The following ATXN7L3 variants were observed in gnomAD, a reference collection of about 807,000 sequenced individuals.
ATXN7L3 encodes the protein ataxin 7 like 3, also known as ataxin-7-like protein 3.
In ATXN7L3, 6 loss-of-function variants were observed where a neutral mutation model predicts 50.0. That is an observed-to-expected ratio of 0.12 (90% CI 0.07 to 0.24). The LOEUF (loss-of-function observed/expected upper bound fraction) is 0.24. Among genes scored for constraint, ATXN7L3 ranks in the 10% least tolerant of loss-of-function variants. ATXN7L3 has a pLI of 1.00. For synonymous variants in ATXN7L3, 198 were observed against 165.8 expected (o/e 1.19, Z -1.49); for missense variants, 322 against 451.3 (o/e 0.71, Z 2.60).
chr17:44,198,203 C>T (rs2055993247), intron 1 of ATXN7L3, 73 bp from the exon 2 acceptor site: 1 of 823,492 alleles, frequency 1.2e-6, no homozygotes, highest in East Asian at 2.5e-5. Flanking sequence ...CCCTCCCCAC[C>T]TCGCTGCCCA....
At chr17:44,196,443 G>A (rs1466822242) in intron 5 of ATXN7L3, 25 bp from the exon 6 acceptor site, 3 of 1,613,812 alleles carry the variant, frequency 1.9e-6, no homozygotes, top group Non-Finnish European at 2.5e-6. Flanking sequence ...AGCATAAAGA[G>A]CAGGGTTTCC....
intron 8 of ATXN7L3, 35 bp from the exon 9 acceptor site, chr17:44,195,522 G>A (rs750608738): frequency 5.0e-6 from 8 of 1,589,176 alleles, no homozygotes; most frequent in Admixed American, 3.3e-5. Context: ...TTAGAGATGG[G>A]GCAGAGAAAA....
chr17:44,198,357 GTCT>G, intron 1 of ATXN7L3: 1 of 424,076 alleles, frequency 2.4e-6, no homozygotes. Flanking sequence ...GCCAATCAGA[GTCT>G]GGGTCTATAG....
chr17:44,197,098 T>C (rs1473041750), intron 4 of ATXN7L3, 72 bp from the exon 5 acceptor site: 1 of 1,552,680 alleles, frequency 6.4e-7, no homozygotes, highest in East Asian at 2.2e-5. Context: ...CACCCCGCTC[T>C]GCCCCCAACT....
Position 44,194,585 on chromosome 17 carries a change from C to G in ATXN7L3, c.827G>C (p.Gly276Ala). 2 of 1,613,828 alleles carry G rather than the reference C, an allele frequency of 1.2e-6. No individual in the cohort carries two copies. Among genetic ancestry groups the G allele is most frequent in the Non-Finnish European group, 1.7e-6 (2 of 1,179,992 alleles). Residue 276 changes from glycine to alanine, a missense_variant, in exon 12 of 13, where the codon GGC becomes GCC. Physicochemically the swap from Gly to Ala is moderately conservative, Grantham distance 60. Transcript: ENST00000587097. ...QALISRLQWD[G>A]SSDLSPSDSG... ...ATCAGAGGGTGAGAGGTCAGAGGAG[C>G]CGTCCCACTGAAGCCGGCTGATCAG...
chr17:44,197,198 G>T, intron 4 of ATXN7L3, 30 bp downstream of exon 4: 3 of 1,577,164 alleles, frequency 1.9e-6, no homozygotes, highest in Non-Finnish European at 2.6e-6. Flanking sequence ...GGCACAGGCT[G>T]CAGAGAACGG....
intron 2 of ATXN7L3, 98 bp downstream of exon 2, chr17:44,197,922 G>C: frequency 6.5e-7 from 1 of 1,534,360 alleles, no homozygotes; most frequent in Non-Finnish European, 9.0e-7. Flanking sequence ...TAAGGAACAA[G>C]GCTGACTACC....
Position 44,193,567 on chromosome 17 carries a change from G to C in ATXN7L3, c.*696C>G, listed in dbSNP as rs977944635. ...CCCTTTCCCATTCCTTGAAGCTGTA[G>C]AGGCTGGAGGCCCTTTCCTGGCACC... On this transcript the variant is annotated 3_prime_UTR_variant, in exon 13 of 13. Transcript: ENST00000587097. 3.3e-5 allele frequency: 5 copies of C among 152,396 alleles called. No individual in the cohort carries two copies. The highest frequency in any genetic ancestry group is 1.2e-4 in the African/African-American group (5 of 41,424). The allele number at this position is 152,396 out of a possible 1,614,324, so 9.4% of individuals were successfully genotyped here. A position where few individuals can be genotyped will look rare whatever the true frequency, so the allele number is the denominator to read the frequency against.
At position 44,197,035 on chromosome 17, in the gene ATXN7L3, G is replaced by C. The variant is rs147110832; in HGVS notation, c.357-9C>G. The stretch of plus-strand genomic sequence containing the variant: ...TGTTGCTATTGGCAATCCTGCCAAG[G>C]GGAGGGAAGAGAAAGGGGCCAAGGG... On this transcript the variant is annotated splice_polypyrimidine_tract_variant and intron_variant, in intron 4 of 12. Coordinates refer to ENST00000587097, the MANE Select transcript of ATXN7L3 (RefSeq NM_001382309.1). 218 of 1,602,756 alleles carry C rather than the reference G, an allele frequency of 1.4e-4. 1 individual carries two copies. In the East Asian group the frequency reaches 3.5e-3, roughly 26 times the overall value.
rs1334207376 is a variant in ATXN7L3 at position 44,197,903 on chromosome 17, T to G, written c.51+117A>C. The G allele has an allele frequency of 2.6e-6, 4 of 1,514,182 alleles. No individual in the cohort carries two copies. The Admixed American group carries it at 5.3e-5, about 20-fold the overall frequency. The allele number at this position is 1,514,182 out of a possible 1,614,324, so 93.8% of individuals were successfully genotyped here. ...TGGATCCTTGGCTTTTTCAGCTGGC[T>G]ATTCCCTTTAAGGAACAAGGCTGAC... On this transcript the variant is annotated intron_variant, in intron 2 of 12. Coordinates refer to ENST00000587097, the MANE Select transcript of ATXN7L3 (RefSeq NM_001382309.1).
intron 5 of ATXN7L3, 144 bp downstream of exon 5, chr17:44,196,777 CAAAAAAAA>C (rs34885873): frequency 8.6e-4 from 205 of 237,840 alleles, no homozygotes; most frequent in Middle Eastern, 4.2e-3. Flanking sequence ...GAATCCATCT[CAAAAAAAA>C]AAAAAAAAAA....
Position 44,194,004 on chromosome 17 carries a change from A to C in ATXN7L3, c.*259T>G. The C allele has an allele frequency of 2.1e-6, 1 of 470,844 alleles. No individual in the cohort carries two copies. The highest frequency in any genetic ancestry group is 3.8e-6 in the Non-Finnish European group (1 of 264,558). 29.2% of individuals were successfully genotyped at this position (470,844 alleles called of 1,614,324 possible). A position where few individuals can be genotyped will look rare whatever the true frequency, so the allele number is the denominator to read the frequency against. On this transcript the variant is annotated 3_prime_UTR_variant, in exon 13 of 13. Transcript: ENST00000587097. ...ACATCCAGTAACTCACAGAATAAAT[A>C]GGAAAACCGCCTCCCCACCAAACTT...
chr17:44,197,903 T>A (rs1334207376), intron 2 of ATXN7L3, 117 bp downstream of exon 2: 1 of 1,514,182 alleles, frequency 6.6e-7, no homozygotes, highest in African/African-American at 1.4e-5. Flanking sequence ...TTCAGCTGGC[T>A]ATTCCCTTTA....
chr17:44,199,148 C>T (rs2056043564), intron 1 of ATXN7L3: 1 of 152,026 alleles, frequency 6.6e-6, no homozygotes, highest in African/African-American at 2.4e-5. Context: ...GCGTCCCAGC[C>T]CCTCTCCTTC....
chr17:44,196,725 C>A (rs182187917), intron 5 of ATXN7L3, among the ~76,000 whole-genome samples: 2 of 140,204 alleles, frequency 1.4e-5, no homozygotes, highest in East Asian at 4.4e-4. Context: ...TTGCAGTGAG[C>A]CGAGATCTCA....
rs373200225 is a variant in ATXN7L3, at chr17:44,198,027, T to C, written c.44A>G (p.Lys15Arg). Residue 15 changes from lysine (K) to arginine (R), a missense_variant, in exon 2 of 13, where the codon AAA (lysine) becomes AGA (arginine). This residue lies in a region of ATXN7L3 where 33 missense variants were observed against 35.1 expected (regional missense o/e 0.94). Coordinates refer to ENST00000587097, the MANE Select transcript of ATXN7L3 (RefSeq NM_001382309.1). ...ACGTGGGGGAGCCCTCACCTCTAGT[T>C]TGCTGTTATCCAGGCCAGACAAAGA... ...EMSLSGLDNS[K>R]LEAIAQEIYA... 2 of 1,613,976 alleles carry C rather than the reference T, an allele frequency of 1.2e-6. No homozygotes were observed. Among genetic ancestry groups the C allele is most frequent in the African/African-American group, 2.7e-5 (2 of 74,932 alleles).
Position 44,191,847 on chromosome 17 carries a change from G to A in ATXN7L3, c.*2416C>T, listed in dbSNP as rs2055650450. ...GTTTATTTACACCAGCAGCCATGGG[G>A]GCAGAGGGAATACACAGCGTTTACA... On this transcript the variant is annotated 3_prime_UTR_variant, in exon 13 of 13. Coordinates refer to ENST00000587097, the MANE Select transcript of ATXN7L3 (RefSeq NM_001382309.1). 1.9e-6 allele frequency: 1 copy of A among 536,358 alleles called. No homozygotes were observed. The allele number at this position is 536,358 out of a possible 1,614,324, so 33.2% of individuals were successfully genotyped here.
rs990608155 is a variant in ATXN7L3 at position 44,194,121 on chromosome 17, T to C, written c.*142A>G. On this transcript the variant is annotated 3_prime_UTR_variant, in exon 13 of 13. Coordinates refer to ENST00000587097, the MANE Select transcript of ATXN7L3 (RefSeq NM_001382309.1). ...GACTTTGACACCCCCCAGGGGCGCA[T>C]AATCGGATCCTCTGCCTGCCTGGCC... is the stretch of plus-strand genomic sequence containing the variant. 4.4e-6 allele frequency: 5 copies of C among 1,145,850 alleles called. No homozygotes were observed. The highest frequency in any genetic ancestry group is 2.3e-5 in the Admixed American group (1 of 43,666). The allele number at this position is 1,145,850 out of a possible 1,614,324, so 71.0% of individuals were successfully genotyped here. A position where few individuals can be genotyped will look rare whatever the true frequency, so the allele number is the denominator to read the frequency against.
intron 4 of ATXN7L3, 75 bp downstream of exon 4, chr17:44,197,152 CT>C (rs1220491903): frequency 1.6e-5 from 25 of 1,567,830 alleles, no homozygotes; most frequent in Non-Finnish European, 2.2e-5. Flanking sequence ...AACCCACCCT[CT>C]GTACCTTCCC....
Sources: gnomAD v4.1 joint callset for allele counts (sites outside exome capture counted in the v4.1 genomes callset) on GRCh38, gnomAD v4.1.1 for gene constraint, gnomAD v4.1.1 regional missense constraint, MANE v1.5 for transcripts, NCBI Gene and HGNC (gene_info 2026-07-23, HGNC 2026-07-21) for gene names.